Variants in CRISPLD1 observed in about 807,000 individuals in gnomAD.
CRISPLD1 encodes cysteine-rich secretory protein LCCL domain-containing 1.
A neutral mutation model predicts 77.5 loss-of-function variants in CRISPLD1; 60 were observed. That is an observed-to-expected ratio of 0.77 (90% CI 0.63 to 0.96). CRISPLD1 has a LOEUF of 0.96. Ranked by LOEUF, CRISPLD1 falls within the 40% of genes least tolerant of loss-of-function variation. CRISPLD1 has a pLI of 0.00. For missense variants in CRISPLD1, 623 were observed against 615.8 expected, an observed-to-expected ratio of 1.01 and a Z score of -0.12; for synonymous variants, 195 against 200.1, an observed-to-expected ratio of 0.97 and a Z score of 0.22.
intron 2 of CRISPLD1, among the ~76,000 whole-genome samples, chr8:74,998,520 T>A (rs976601680): frequency 6.6e-6 from 1 of 151,638 alleles, no homozygotes; most frequent in Non-Finnish European, 1.5e-5. Flanking sequence ...AAATGCCGTC[T>A]CTATTAAAAA....
intron 10 of CRISPLD1, among the ~76,000 whole-genome samples, chr8:75,018,497 G>C (rs1050839449): frequency 7.9e-4 from 120 of 151,746 alleles, no homozygotes; most frequent in African/African-American, 2.4e-3. Flanking sequence ...CACCATGTTG[G>C]CCAGGCTGGT....
At chr8:75,006,220 T>C (rs1388747607) in intron 2 of CRISPLD1, among the ~76,000 whole-genome samples, 1 of 152,172 alleles carries the variant, frequency 6.6e-6, no homozygotes, top group East Asian at 1.9e-4. Flanking sequence ...AAAGTCCATA[T>C]TGTGAATTAT....
In CRISPLD1 at chr8:74,986,155, C is replaced by T; in HGVS notation, c.168C>T (p.Ala56=). 6.2e-7 allele frequency: 1 copy of T among 1,613,958 alleles called. No homozygotes were observed. The highest frequency in any genetic ancestry group is 8.5e-7 in the Non-Finnish European group (1 of 1,179,934). ...WWIAKQRGKR[A]ITDNDMQSIL... Reference sequence around the variant, plus strand: ...TAGCCAAACAACGAGGGAAAAGGGCCATCACAGACAATGACATGCAGAGTA... The same window carrying T: ...TAGCCAAACAACGAGGGAAAAGGGCTATCACAGACAATGACATGCAGAGTA... The change falls in exon 2 of 15, where the codon GCC becomes GCT. Residue 56 remains alanine, a synonymous_variant. Coordinates refer to ENST00000262207, the MANE Select transcript of CRISPLD1 (RefSeq NM_031461.6).
chr8:75,017,196 A>G (rs1444915604), intron 9 of CRISPLD1, 83 bp downstream of exon 9: 15 of 1,504,416 alleles, frequency 1.0e-5, no homozygotes, highest in African/African-American at 4.2e-5. Context: ...AACACCTTAC[A>G]TAAGTATAGA....
intron 13 of CRISPLD1, 92 bp from the exon 14 acceptor site, chr8:75,029,295 C>T: frequency 7.8e-7 from 1 of 1,290,122 alleles, no homozygotes; most frequent in Non-Finnish European, 1.1e-6. Flanking sequence ...ATCAGGATGT[C>T]AGCGACTTCA....
intron 12 of CRISPLD1, 82 bp downstream of exon 12, chr8:75,020,161 G>T: frequency 8.8e-7 from 1 of 1,142,000 alleles, no homozygotes; most frequent in Non-Finnish European, 1.3e-6. Context: ...GGATTCAAAA[G>T]TTGTATAATC....
chr8:75,027,635 A>C (rs1368578283), intron 13 of CRISPLD1, among the ~76,000 whole-genome samples: 3 of 152,186 alleles, frequency 2.0e-5, no homozygotes, highest in African/African-American at 7.2e-5. Flanking sequence ...ATTACTGTCA[A>C]ATAGCAAGTA....
chr8:75,014,396 T>C (rs1461320949), intron 5 of CRISPLD1, among the ~76,000 whole-genome samples: 1 of 152,152 alleles, frequency 6.6e-6, no homozygotes, highest in Non-Finnish European at 1.5e-5. Flanking sequence ...TATTAGAGAT[T>C]AACAGCTATA....
intron 2 of CRISPLD1, among the ~76,000 whole-genome samples, chr8:75,006,498 CATT>C (rs1238059430): frequency 6.6e-6 from 1 of 152,034 alleles, no homozygotes; most frequent in African/African-American, 2.4e-5. Context: ...TTAAAAGTCT[CATT>C]GTAGCTTCAT....
At chr8:75,017,155 C>T in intron 9 of CRISPLD1, 42 bp downstream of exon 9, 4 of 1,554,056 alleles carry the variant, frequency 2.6e-6, no homozygotes, top group Non-Finnish European at 3.5e-6. Flanking sequence ...AGAGTCATTC[C>T]ATGTAATATT....
chr8:75,008,094 T>A (rs1180138654), intron 2 of CRISPLD1, among the ~76,000 whole-genome samples: 1 of 152,210 alleles, frequency 6.6e-6, no homozygotes, highest in Non-Finnish European at 1.5e-5. Flanking sequence ...AGACAAAGAA[T>A]GTCAATAGTA....
At chr8:74,995,868 A>T (rs1467213762) in intron 2 of CRISPLD1, among the ~76,000 whole-genome samples, 1 of 152,106 alleles carries the variant, frequency 6.6e-6, no homozygotes, top group East Asian at 1.9e-4. Flanking sequence ...TTAGTTCAGG[A>T]AAATTCTCTC....
intron 2 of CRISPLD1, among the ~76,000 whole-genome samples, chr8:74,987,965 A>G (rs1812520527): frequency 6.6e-6 from 1 of 152,138 alleles, no homozygotes; most frequent in Non-Finnish European, 1.5e-5. Flanking sequence ...GGATGTTTAT[A>G]TGAGTTTCTT....
At chr8:75,030,857 TATACAC>T (rs1813329946) in intron 14 of CRISPLD1, among the ~76,000 whole-genome samples, 1 of 149,276 alleles carries the variant, frequency 6.7e-6, no homozygotes, top group Admixed American at 6.7e-5. Flanking sequence ...TGAATGTATA[TATACAC>T]ACACATATAG....
At chr8:74,993,973 G>A (rs1411067770) in intron 2 of CRISPLD1, among the ~76,000 whole-genome samples, 2 of 152,202 alleles carry the variant, frequency 1.3e-5, no homozygotes, top group Admixed American at 1.3e-4. Context: ...GATTTAACTG[G>A]GGAAGGATGC....
At position 75,016,914 on chromosome 8, in the gene CRISPLD1, A is replaced by T. The variant is rs758608184; in HGVS notation, c.902A>T (p.Asp301Val). Residue 301 changes from aspartate to valine, a missense_variant, in exon 8 of 15, where the codon GAT (aspartate) becomes GTT (valine). By Grantham distance (152) the Asp-to-Val change is radical (BLOSUM62 -3). Coordinates refer to ENST00000262207, the MANE Select transcript of CRISPLD1 (RefSeq NM_031461.6). ...GTTTCTTGTGAAGTAAGATTAAGAG[A>T]TCAGTGCAAAGGAACAACCTGCAAT... ...QIVSCEVRLR[D>V]QCKGTTCNRY... The T allele has an allele frequency of 1.2e-5, 19 of 1,572,824 alleles. No homozygotes were observed. The Admixed American group carries it at 3.3e-4, about 27-fold the overall frequency.
chr8:74,985,315 A>T (rs1267823742), intron 1 of CRISPLD1, among the ~76,000 whole-genome samples: 1 of 152,222 alleles, frequency 6.6e-6, no homozygotes. Flanking sequence ...ATAGGAAGAG[A>T]CTTACCCCAG....
At chr8:75,008,111 A>G (rs998174359) in intron 2 of CRISPLD1, among the ~76,000 whole-genome samples, 8 of 152,180 alleles carry the variant, frequency 5.3e-5, no homozygotes, top group African/African-American at 1.9e-4. Context: ...AGTATTCTAA[A>G]TATTTCCTTA....
In CRISPLD1 at chr8:75,032,411, A is replaced by T; in HGVS notation, c.*169A>T. The T allele has an allele frequency of 2.3e-6, 1 of 437,172 alleles. No individual in the cohort carries two copies. The allele number at this position is 437,172 out of a possible 1,614,324, so 27.1% of individuals were successfully genotyped here. A position where few individuals can be genotyped will look rare whatever the true frequency, so the allele number is the denominator to read the frequency against. On this transcript the variant is annotated 3_prime_UTR_variant, in exon 15 of 15. Transcript: ENST00000262207. ...CAAAGTCTATAAAATAAAACATGGG[A>T]CATTAGCTTTGGGAAAAGTAATGAA...
Sources: allele counts gnomAD v4.1 joint callset (sites outside exome capture counted in the v4.1 genomes callset), GRCh38; gene constraint gnomAD v4.1.1; transcripts MANE v1.5; gene names NCBI Gene and HGNC (gene_info 2026-07-23, HGNC 2026-07-21).